Variants in TENM3 observed in about 807,000 individuals in gnomAD.
TENM3 encodes teneurin transmembrane protein 3, also known as teneurin-3.
A neutral mutation model predicts 255.1 loss-of-function variants in TENM3; 63 were observed. That is an observed-to-expected ratio of 0.25 (90% CI 0.20 to 0.30). The LOEUF (loss-of-function observed/expected upper bound fraction) is 0.30, where lower values mean the gene tolerates loss of function less well. TENM3 is among the 10% of genes least tolerant of loss of function. The pLI is 1.00. For synonymous variants in TENM3, 1,306 were observed against 1,322.3 expected, an observed-to-expected ratio of 0.99 and a Z score of 0.27; for missense variants, 2,929 against 3,461.1, an observed-to-expected ratio of 0.85 and a Z score of 3.86.
the TENM3 span, among the ~76,000 whole-genome samples, chr4:181,545,462 G>A: frequency 1.3e-5 from 2 of 152,234 alleles, no homozygotes; most frequent in Admixed American, 1.3e-4. Flanking sequence ...TCCTTAATTA[G>A]GAGATTAAAG....
In TENM3 at chr4:182,799,648, C is replaced by T; in HGVS notation, c.7397C>T (p.Ser2466Leu). 6.5e-7 allele frequency: 1 copy of T among 1,547,326 alleles called. No individual in the cohort carries two copies. The highest frequency in any genetic ancestry group is 8.7e-7 in the Non-Finnish European group (1 of 1,146,670). Residue 2466 changes from serine to leucine, a missense_variant, in exon 28 of 28, where the codon TCG becomes TTG. Ser to Leu is a moderately radical substitution (Grantham distance 145). Coordinates refer to ENST00000511685, the MANE Select transcript of TENM3 (RefSeq NM_001080477.4). The surrounding 1 kb of genome is among the most constrained non-coding windows in gnomAD (Gnocchi z 4.2). ...GCGCGGCAGGCCAAGGCCTTCCTGT[C>T]GCTGGGGAAGATGGCCGAGGTGCAG... The part of the protein sequence containing the change: ...QVARQAKAFL[S>L]LGKMAEVQVS...
At chr4:181,651,714 G>A in the TENM3 span, among the ~76,000 whole-genome samples, 1 of 152,112 alleles carries the variant, frequency 6.6e-6, no homozygotes, top group African/African-American at 2.4e-5. Context: ...ACCAAGGAAC[G>A]CTGAACTTCT....
the TENM3 span, among the ~76,000 whole-genome samples, chr4:181,987,380 T>A: frequency 6.6e-6 from 1 of 152,234 alleles, no homozygotes; most frequent in Admixed American, 6.5e-5. Context: ...CTGTTTCCCC[T>A]CTTCATCCTG....
At chr4:181,907,790 C>G in the TENM3 span, among the ~76,000 whole-genome samples, 1 of 152,098 alleles carries the variant, frequency 6.6e-6, no homozygotes, top group South Asian at 2.1e-4. Context: ...CCCGAACATT[C>G]GAGGCCAACT....
At chr4:182,656,918 C>G (rs1459529904) in intron 6 of TENM3, among the ~76,000 whole-genome samples, 1 of 152,088 alleles carries the variant, frequency 6.6e-6, no homozygotes, top group Non-Finnish European at 1.5e-5. Context: ...ACCTTCTTTG[C>G]CTACAGATTT....
chr4:182,795,130 C>T (rs62336281), intron 26 of TENM3, among the ~76,000 whole-genome samples: 7,663 of 152,248 alleles, frequency 0.05, 246 homozygotes, highest in Non-Finnish European at 0.067. Context: ...TCCTACCTTT[C>T]CAGACTGTCT....
the TENM3 span, among the ~76,000 whole-genome samples, chr4:182,033,791 G>A: frequency 2.0e-5 from 3 of 152,138 alleles, no homozygotes; most frequent in Admixed American, 2.0e-4. Context: ...ATTCTGTAAT[G>A]CCCTTCTTTG....
intron 3 of TENM3, among the ~76,000 whole-genome samples, chr4:182,361,682 G>A (rs547427192): frequency 1.2e-3 from 178 of 151,690 alleles, no homozygotes; most frequent in Non-Finnish European, 1.9e-3. Context: ...CCTGTAGCTC[G>A]TAGTTTGATC....
At chr4:181,942,982 A>G in the TENM3 span, among the ~76,000 whole-genome samples, 1 of 152,222 alleles carries the variant, frequency 6.6e-6, no homozygotes, top group South Asian at 2.1e-4. Context: ...TCTAGAAATT[A>G]TAAAGACAAT....
the TENM3 span, among the ~76,000 whole-genome samples, chr4:181,831,199 C>A: frequency 1.3e-4 from 20 of 151,950 alleles, no homozygotes; most frequent in Non-Finnish European, 2.5e-4. Flanking sequence ...CTTCACTTCC[C>A]ACAAATATTA....
rs750202878 is a variant in TENM3 at position 182,743,163 on chromosome 4, C to A, written c.3380-7C>A. 6.3e-7 allele frequency: 1 copy of A among 1,586,340 alleles called. No homozygotes were observed. The highest frequency in any genetic ancestry group is 8.6e-7 in the Non-Finnish European group (1 of 1,160,302). On this transcript the variant is annotated splice_region_variant and splice_polypyrimidine_tract_variant and intron_variant, in intron 18 of 27. Transcript: ENST00000511685. ...ATAAGAAAAACAATGCACTTTATTT[C>A]TTCTAGGTATACTGTACAAGGGAAA...
At chr4:181,576,323 A>G in the TENM3 span, among the ~76,000 whole-genome samples, 1 of 152,220 alleles carries the variant, frequency 6.6e-6, no homozygotes, top group Non-Finnish European at 1.5e-5. Flanking sequence ...GTATATATAC[A>G]CATTCTCTTC....
At chr4:182,759,938 C>A (rs1367881049) in intron 22 of TENM3, among the ~76,000 whole-genome samples, 3 of 152,092 alleles carry the variant, frequency 2.0e-5, no homozygotes, top group Non-Finnish European at 4.4e-5. Flanking sequence ...TTTAGACATG[C>A]TACTGGATGG....
At chr4:182,617,292 A>G (rs1473186096) in intron 4 of TENM3, among the ~76,000 whole-genome samples, 1 of 152,206 alleles carries the variant, frequency 6.6e-6, no homozygotes, top group African/African-American at 2.4e-5. Context: ...TCAGTGTTAT[A>G]TATTTTAACA....
At chr4:182,561,744 G>A (rs1743203714) in intron 3 of TENM3, among the ~76,000 whole-genome samples, 1 of 151,852 alleles carries the variant, frequency 6.6e-6, no homozygotes, top group Non-Finnish European at 1.5e-5. Flanking sequence ...AGTATTACAT[G>A]GATATTAAAA....
chr4:182,784,364 TCAGGGG>T (rs1765441316), intron 24 of TENM3, among the ~76,000 whole-genome samples: 2 of 151,972 alleles, frequency 1.3e-5, no homozygotes, highest in Non-Finnish European at 2.9e-5. Context: ...GTTAGGCTGC[TCAGGGG>T]TCAGGGGTCA....
chr4:182,208,584 G>A (rs1361020220), intron 1 of TENM3, among the ~76,000 whole-genome samples: 1 of 152,168 alleles, frequency 6.6e-6, no homozygotes, highest in Non-Finnish European at 1.5e-5. Context: ...TTGTTGTGGG[G>A]GAGAGTTGAC....
chr4:182,792,687 C>T lies in TENM3; in HGVS notation c.6015C>T (p.Phe2005=), dbSNP rs750678302. 3.6e-5 allele frequency: 58 copies of T among 1,613,954 alleles called. No individual in the cohort carries two copies. Among genetic ancestry groups the T allele is most frequent in the Non-Finnish European group, 4.7e-5 (56 of 1,179,896 alleles). Residue 2005 remains phenylalanine, a synonymous_variant, in exon 26 of 28, where the codon TTC becomes TTT. Coordinates refer to ENST00000511685, the MANE Select transcript of TENM3 (RefSeq NM_001080477.4). The surrounding 1 kb of genome is among the most constrained non-coding windows in gnomAD (Gnocchi z 6.3). Reference sequence around the variant, plus strand: ...GTCCCCTGATTGACAGGCAGATTTTCCGCTTTAGTGAAGATGGGATGGTAA... The same window carrying T: ...GTCCCCTGATTGACAGGCAGATTTTTCGCTTTAGTGAAGATGGGATGGTAA... The part of the protein sequence containing the change: ...QIGPLIDRQI[F]RFSEDGMVNA...
the TENM3 span, among the ~76,000 whole-genome samples, chr4:181,663,983 C>T: frequency 6.6e-6 from 1 of 152,184 alleles, no homozygotes; most frequent in Non-Finnish European, 1.5e-5. Context: ...TATGGCATTT[C>T]AGACTCTTTG....
Sources: gnomAD v4.1 joint callset for allele counts (sites outside exome capture counted in the v4.1 genomes callset) on GRCh38, gnomAD v4.1.1 for gene constraint, Gnocchi (gnomAD v3.1) non-coding constraint, MANE v1.5 for transcripts, NCBI Gene and HGNC (gene_info 2026-07-23, HGNC 2026-07-21) for gene names.